MTMR10: variants seen among roughly 807,000 people sequenced by gnomAD.
The protein encoded by MTMR10 is myotubularin-related protein 10.
A neutral mutation model predicts 88.1 loss-of-function variants in MTMR10; 56 were observed. The ratio of observed to expected loss-of-function variants is 0.64; its 90% CI spans 0.51 to 0.79. The LOEUF is 0.79. MTMR10 is among the 30% of genes least tolerant of loss of function. The probability of loss-of-function intolerance (pLI) is 0.00; values close to 1 mark genes in which losing one functional copy is unlikely to be tolerated. For synonymous variants in MTMR10, 380 were observed against 340.9 expected, an observed-to-expected ratio of 1.11 and a Z score of -1.26; for missense variants, 883 against 924.7, an observed-to-expected ratio of 0.95 and a Z score of 0.58.
intron 12 of MTMR10, 49 bp from the exon 13 acceptor site, chr15:30,948,520 G>A (rs545156644): frequency 6.5e-7 from 1 of 1,527,752 alleles, no homozygotes; most frequent in African/African-American, 1.4e-5. Flanking sequence ...AAAATGCTGA[G>A]AGAGAAAGGG....
At chr15:30,991,317 A>C in intron 1 of MTMR10, 130 bp downstream of exon 1, 1 of 958,018 alleles carries the variant, frequency 1.0e-6, no homozygotes, top group Non-Finnish European at 1.4e-6. Context: ...GCCGGGAATC[A>C]GGCAGCCGCG....
intron 6 of MTMR10, among the ~76,000 whole-genome samples, chr15:30,963,908 CTAAG>C (rs1387546792): frequency 1.3e-5 from 2 of 151,978 alleles, no homozygotes; most frequent in African/African-American, 4.8e-5. Context: ...ATTAGAAAAT[CTAAG>C]TAATTCATCA....
intron 7 of MTMR10, among the ~76,000 whole-genome samples, 167 bp from the exon 8 acceptor site, chr15:30,959,288 A>C (rs538245288): frequency 6.6e-6 from 1 of 152,342 alleles, no homozygotes; most frequent in African/African-American, 2.4e-5. Flanking sequence ...TACACCTCTT[A>C]GTCTAAAATT....
downstream of MTMR10, among the ~76,000 whole-genome samples, chr15:30,934,028 C>T (rs924082667): frequency 2.6e-4 from 39 of 151,976 alleles, no homozygotes; most frequent in Non-Finnish European, 4.3e-4. Flanking sequence ...GAGAGTATAC[C>T]GTGCCCAGCC....
chr15:30,930,524 T>A, the MTMR10 span: 12 of 1,580,676 alleles, frequency 7.6e-6, no homozygotes, highest in Non-Finnish European at 1.0e-5. Flanking sequence ...TGGCTAACTG[T>A]CCTGTGTTTT....
chr15:30,925,819 C>T, the MTMR10 span: 6 of 1,614,018 alleles, frequency 3.7e-6, no homozygotes, highest in African/African-American at 4.0e-5. Flanking sequence ...GTGCCCACAG[C>T]GTGGGATGTG....
chr15:30,982,642 A>G (rs2030658027), intron 2 of MTMR10, among the ~76,000 whole-genome samples: 1 of 152,232 alleles, frequency 6.6e-6, no homozygotes, highest in Non-Finnish European at 1.5e-5. Context: ...AAGAAAGAAA[A>G]GAAGGGCACT....
chr15:30,930,538 T>C, the MTMR10 span: 2 of 1,591,590 alleles, frequency 1.3e-6, no homozygotes. Context: ...GTGTTTTGTG[T>C]TCAGGATCTT....
chr15:30,920,524 T>G, the MTMR10 span: 1 of 1,441,304 alleles, frequency 6.9e-7, no homozygotes, highest in South Asian at 1.2e-5. Flanking sequence ...ATTAAACTAC[T>G]GGTATATGTC....
intron 6 of MTMR10, among the ~76,000 whole-genome samples, chr15:30,961,747 C>T (rs1322785172): frequency 6.6e-6 from 1 of 152,204 alleles, no homozygotes; most frequent in East Asian, 1.9e-4. Flanking sequence ...TTCCTGACCA[C>T]CTTCCCCCAG....
chr15:30,961,568 T>TA (rs141995051), intron 6 of MTMR10, among the ~76,000 whole-genome samples: 2,279 of 152,296 alleles, frequency 0.015, 57 homozygotes, highest in African/African-American at 0.052. Flanking sequence ...GTCTTGTCCT[T>TA]ATCCAGCTCT....
Position 30,964,867 on chromosome 15 carries a change from A to C in MTMR10, c.565+3053T>G, listed in dbSNP as rs1193199016. Among the ~76,000 whole-genome samples, 4 of 152,176 alleles carry C rather than the reference A, an allele frequency of 2.6e-5. No individual in the cohort carries two copies. The East Asian group carries it at 7.7e-4, about 29-fold the overall frequency. On this transcript the variant is annotated intron_variant, in intron 6 of 15. Transcript: ENST00000435680. ...TATACTGTTGGGGTTATTTTAGATA[A>C]TTTCCACTGAATTGGCCAATTGATA... is the stretch of plus-strand genomic sequence containing the variant.
chr15:30,963,457 T>C (rs1397521226), intron 6 of MTMR10, among the ~76,000 whole-genome samples: 10 of 151,876 alleles, frequency 6.6e-5, no homozygotes, highest in South Asian at 2.1e-4. Flanking sequence ...GGTGAAACCC[T>C]GTCTCTATTA....
At chr15:30,922,200 A>G in the MTMR10 span, 1 of 1,592,294 alleles carries the variant, frequency 6.3e-7, no homozygotes, top group Non-Finnish European at 8.5e-7. Context: ...ATTTTTTGTG[A>G]ATCTAATGAG....
intron 9 of MTMR10, among the ~76,000 whole-genome samples, chr15:30,955,653 G>GA (rs954237530): frequency 5.3e-5 from 8 of 152,016 alleles, no homozygotes; most frequent in Admixed American, 2.6e-4. Context: ...CCAAGGGGGG[G>GA]GCGGGGCAGC....
chr15:30,961,513 T>A (rs1310649044), intron 6 of MTMR10, among the ~76,000 whole-genome samples: 7 of 152,342 alleles, frequency 4.6e-5, no homozygotes, highest in Admixed American at 4.6e-4. Context: ...AGTGCTGGGA[T>A]TACAGGCATG....
In MTMR10 at chr15:30,941,518, A is replaced by C; in HGVS notation, c.2286T>G (p.Ser762Arg). 6.2e-7 allele frequency: 1 copy of C among 1,611,456 alleles called. No homozygotes were observed. The highest frequency in any genetic ancestry group is 8.5e-7 in the Non-Finnish European group (1 of 1,178,604). ...CAGTAGACAACCATATTTTGGCCCC[A>C]CTTAAAAATTTGCTTAATGGTGTTC... ...ILGTPLSKFLSGAKIWLSTET... is the reference protein window; with the variant it reads ...ILGTPLSKFLRGAKIWLSTET... Residue 762 changes from serine to arginine, a missense_variant, in exon 16 of 16, where the codon AGT becomes AGG. Ser to Arg is a moderately radical substitution (Grantham distance 110). Coordinates refer to ENST00000435680, the MANE Select transcript of MTMR10 (RefSeq NM_017762.3).
At chr15:30,985,704 AAAG>A (rs893739170) in intron 2 of MTMR10, among the ~76,000 whole-genome samples, 1 of 152,370 alleles carries the variant, frequency 6.6e-6, no homozygotes, top group East Asian at 1.9e-4. Flanking sequence ...AGCTTAGCAA[AAAG>A]AAGAATACAA....
downstream of MTMR10, chr15:30,938,800 A>G (rs752720356): frequency 3.5e-6 from 2 of 574,802 alleles, no homozygotes; most frequent in Non-Finnish European, 4.4e-6. Context: ...GCTGTTAAAA[A>G]AAGTTACTGA....
Sources: allele counts gnomAD v4.1 joint callset (sites outside exome capture counted in the v4.1 genomes callset), GRCh38; gene constraint gnomAD v4.1.1; transcripts MANE v1.5; gene names NCBI Gene and HGNC (gene_info 2026-07-23, HGNC 2026-07-21).